The following JMJD1C variants were observed in gnomAD, a reference collection of about 807,000 sequenced individuals.
JMJD1C encodes the protein jumonji domain containing 1C.
A neutral mutation model predicts 245.3 loss-of-function variants in JMJD1C; 31 were observed. The observed-to-expected ratio is 0.13, with a 90% CI of 0.09 to 0.17. JMJD1C has a LOEUF of 0.17. Among genes scored for constraint, JMJD1C ranks in the 10% least tolerant of loss-of-function variants. JMJD1C has a pLI of 1.00. For synonymous variants in JMJD1C, 1,057 were observed against 1,017.4 expected, an observed-to-expected ratio of 1.04 and a Z score of -0.74; for missense variants, 2,691 against 3,000.2, an observed-to-expected ratio of 0.90 and a Z score of 2.41.
intron 1 of JMJD1C, 45 bp downstream of exon 1, chr10:63,465,450 G>C (rs780222905): frequency 6.5e-7 from 1 of 1,528,748 alleles, no homozygotes; most frequent in Non-Finnish European, 8.8e-7. Context: ...TGCGAGAGCC[G>C]GGTGCGGGCG....
At chr10:63,440,028 G>A (rs1272427558) in intron 1 of JMJD1C, among the ~76,000 whole-genome samples, 1 of 152,104 alleles carries the variant, frequency 6.6e-6, no homozygotes, top group Non-Finnish European at 1.5e-5. Flanking sequence ...GAGAAACATA[G>A]GCACATTACA....
At chr10:63,251,302 C>G (rs1035124960) in intron 3 of JMJD1C, among the ~76,000 whole-genome samples, 1 of 152,026 alleles carries the variant, frequency 6.6e-6, no homozygotes. Flanking sequence ...TGAAAAAGCA[C>G]TGGGTATTTT....
chr10:63,243,122 T>TATATATATATATATATATAA (rs1851717630), intron 3 of JMJD1C, among the ~76,000 whole-genome samples: 2 of 87,176 alleles, frequency 2.3e-5, no homozygotes, highest in South Asian at 7.6e-4. Flanking sequence ...TATATATATA[T>TATATATATATATATATATAA]ATAAATATAT....
chr10:63,458,498 A>G (rs1813513393), intron 1 of JMJD1C, among the ~76,000 whole-genome samples: 1 of 151,972 alleles, frequency 6.6e-6, no homozygotes, highest in East Asian at 1.9e-4. Flanking sequence ...AAAAAAAAAA[A>G]GTCTGCTAAA....
At chr10:63,328,050 G>T (rs1435529627) in intron 2 of JMJD1C, among the ~76,000 whole-genome samples, 1 of 152,066 alleles carries the variant, frequency 6.6e-6, no homozygotes, top group African/African-American at 2.4e-5. Context: ...CAAGCCAGGC[G>T]GATCACCTGA....
intron 2 of JMJD1C, among the ~76,000 whole-genome samples, chr10:63,337,634 GAAAAA>G (rs1199799354): frequency 1.4e-5 from 2 of 142,546 alleles, no homozygotes; most frequent in African/African-American, 2.8e-5. Context: ...AAAAAGAAAA[GAAAAA>G]AAATCCGCTA....
In JMJD1C at chr10:63,374,928, T is replaced by TA. The variant is rs551880977; in HGVS notation, c.333+5389dup. On this transcript the variant is annotated intron_variant, in intron 2 of 25. Transcript: ENST00000399262. Reference sequence around the variant, plus strand: ...CCAGTAGGCTTTGTTGTGAAGTCTTTATGGTTTTCTAAGTATAAGATTATA... The same window carrying TA: ...CCAGTAGGCTTTGTTGTGAAGTCTTTAATGGTTTTCTAAGTATAAGATTATA... Among the ~76,000 whole-genome samples the TA allele has an allele frequency of 1.4e-4, 22 of 152,288 alleles. No individual in the cohort carries two copies. The East Asian group carries it at 4.2e-3, about 29-fold the overall frequency.
chr10:63,240,743 TA>T (rs1260790430), intron 3 of JMJD1C, among the ~76,000 whole-genome samples: 2 of 152,182 alleles, frequency 1.3e-5, no homozygotes, highest in African/African-American at 2.4e-5. Context: ...TAAGATTTGG[TA>T]AACTTAGAAA....
intron 1 of JMJD1C, among the ~76,000 whole-genome samples, chr10:63,442,704 A>G (rs1589756584): frequency 6.6e-6 from 1 of 151,840 alleles, no homozygotes; most frequent in Non-Finnish European, 1.5e-5. Flanking sequence ...ATCAAACACA[A>G]CTCTTACCCA....
chr10:63,258,814 T>C (rs1471244235), intron 3 of JMJD1C, among the ~76,000 whole-genome samples: 1 of 151,204 alleles, frequency 6.6e-6, no homozygotes, highest in Non-Finnish European at 1.5e-5. Context: ...ATAAAGATCA[T>C]TACTTACAAG....
rs372636549 is a variant in JMJD1C, at chr10:63,506,741, G to A, written n.113+14997C>T. Among the ~76,000 whole-genome samples, 3 of 152,232 alleles carry A rather than the reference G, an allele frequency of 2.0e-5. No individual in the cohort carries two copies. The East Asian group carries it at 5.8e-4, about 29-fold the overall frequency. ...CATCCCACAGAAGAATGGTACATTTGTTACCATCAATGAACCTACAGTGAC... is the reference window on the plus strand; with the variant it reads ...CATCCCACAGAAGAATGGTACATTTATTACCATCAATGAACCTACAGTGAC... On this transcript the variant is annotated intron_variant and non_coding_transcript_variant, in intron 1 of 3. Coordinates refer to the JMJD1C transcript ENST00000633035.
At chr10:63,276,151 T>A (rs1003830174) in intron 2 of JMJD1C, among the ~76,000 whole-genome samples, 1 of 152,068 alleles carries the variant, frequency 6.6e-6, no homozygotes, top group Non-Finnish European at 1.5e-5. Context: ...AAAAAAATCA[T>A]GGCATTGCCA....
chr10:63,442,109 C>T (rs1951423576), intron 1 of JMJD1C, among the ~76,000 whole-genome samples: 2 of 152,156 alleles, frequency 1.3e-5, no homozygotes, highest in African/African-American at 2.4e-5. Flanking sequence ...AAATGATGTA[C>T]AGACAAGCAA....
chr10:63,411,793 A>G lies in JMJD1C; in HGVS notation c.169-31311T>C, dbSNP rs546592344. Among the ~76,000 whole-genome samples, 10 of 150,676 alleles carry G rather than the reference A, an allele frequency of 6.6e-5. No homozygotes were observed. The South Asian group carries it at 1.9e-3, about 28-fold the overall frequency. Reference sequence around the variant, plus strand: ...AAGTTTTTGTATTTTTAGTAGAGACAGGGTTTCACCATGTTAGCCAGTATG... The same window carrying G: ...AAGTTTTTGTATTTTTAGTAGAGACGGGGTTTCACCATGTTAGCCAGTATG... On this transcript the variant is annotated intron_variant, in intron 1 of 25. Transcript: ENST00000399262.
intron 11 of JMJD1C, 80 bp downstream of exon 11, chr10:63,200,396 G>A: frequency 9.8e-7 from 1 of 1,024,514 alleles, no homozygotes; most frequent in East Asian, 2.5e-5. Context: ...CATCCAAAAG[G>A]GACACTCAGA....
In JMJD1C at chr10:63,465,578, C is replaced by T; in HGVS notation, c.85G>A (p.Glu29Lys). ...VGDEARSERW[E>K]SGRGWRSWRA... Reference sequence around the variant, plus strand: ...CAGCTTCGCCAGCCGCGTCCGCTCTCCCAGCGCTCCGAACGTGCCTCGTCG... The same window carrying T: ...CAGCTTCGCCAGCCGCGTCCGCTCTTCCAGCGCTCCGAACGTGCCTCGTCG... Residue 29 changes from glutamate (E) to lysine (K), a missense_variant, in exon 1 of 26, where the codon GAG becomes AAG. Around this residue, in one of 9 missense-constraint regions of JMJD1C, gnomAD observed 135 missense variants for 115.5 expected, o/e 1.17. Coordinates refer to ENST00000399262, the MANE Select transcript of JMJD1C (RefSeq NM_032776.3). 6.2e-7 allele frequency: 1 copy of T among 1,609,122 alleles called. No individual in the cohort carries two copies. The highest frequency in any genetic ancestry group is 1.1e-5 in the South Asian group (1 of 91,026).
At chr10:63,251,701 A>G (rs747736805) in intron 3 of JMJD1C, among the ~76,000 whole-genome samples, 4 of 152,228 alleles carry the variant, frequency 2.6e-5, no homozygotes, top group African/African-American at 4.8e-5. Context: ...CTGGTATGCC[A>G]CATAAATACT....
chr10:63,256,592 T>C (rs1170548933), intron 3 of JMJD1C, among the ~76,000 whole-genome samples: 1 of 152,216 alleles, frequency 6.6e-6, no homozygotes, highest in Admixed American at 6.5e-5. Context: ...GCTGTCACTT[T>C]TGACTTGAAA....
chr10:63,345,499 A>C (rs548002103), intron 2 of JMJD1C, among the ~76,000 whole-genome samples: 202 of 151,880 alleles, frequency 1.3e-3, no homozygotes, highest in African/African-American at 4.5e-3. Flanking sequence ...AAAAAAAAAA[A>C]AAAAAACAAA....
Sources: gnomAD v4.1 joint callset for allele counts (sites outside exome capture counted in the v4.1 genomes callset) on GRCh38, gnomAD v4.1.1 for gene constraint, gnomAD v4.1.1 regional missense constraint, MANE v1.5 for transcripts, NCBI Gene and HGNC (gene_info 2026-07-23, HGNC 2026-07-21) for gene names.